ITGB5: variants seen among roughly 807,000 people sequenced by gnomAD.
ITGB5 encodes the protein integrin subunit beta 5.
In ITGB5, 38 loss-of-function variants were observed where a neutral mutation model predicts 84.8. That is an observed-to-expected ratio of 0.45 (90% confidence interval 0.35 to 0.59). The LOEUF (loss-of-function observed/expected upper bound fraction) is 0.59, where lower values mean the gene tolerates loss of function less well. ITGB5 is among the 20% of genes least tolerant of loss of function. The pLI, the probability that ITGB5 is intolerant of heterozygous loss-of-function variation, is 0.01. For missense variants in ITGB5, 905 were observed against 1,034.5 expected (o/e 0.87, Z 1.72); for synonymous variants, 393 against 414.4 (o/e 0.95, Z 0.63).
intron 9 of ITGB5, among the ~76,000 whole-genome samples, chr3:124,802,509 G>A (rs1406677531): frequency 1.3e-5 from 2 of 152,206 alleles, no homozygotes; most frequent in African/African-American, 4.8e-5. Flanking sequence ...CAACGAAGAG[G>A]GAAAGCCCCT....
intron 1 of ITGB5, 38 bp from the exon 2 acceptor site, chr3:124,873,569 G>T: frequency 6.9e-7 from 1 of 1,444,616 alleles, no homozygotes; most frequent in Non-Finnish European, 9.8e-7. Flanking sequence ...TTAGTTCCTG[G>T]CTATAAACTT....
At chr3:124,863,833 C>G (rs1297987952) in intron 2 of ITGB5, among the ~76,000 whole-genome samples, 1 of 151,686 alleles carries the variant, frequency 6.6e-6, no homozygotes, top group African/African-American at 2.4e-5. Context: ...TAATTTTGAA[C>G]AAGGATAGAT....
intron 1 of ITGB5, among the ~76,000 whole-genome samples, chr3:124,897,382 A>G (rs567537791): frequency 1.3e-5 from 2 of 152,314 alleles, no homozygotes; most frequent in East Asian, 3.9e-4. Flanking sequence ...TACTGGGATG[A>G]CAGGTGTGAG....
At chr3:124,773,630 G>GC in intron 11 of ITGB5, 60 bp downstream of exon 11, 1 of 1,532,624 alleles carries the variant, frequency 6.5e-7, no homozygotes, top group Non-Finnish European at 9.0e-7. Flanking sequence ...GGGCTGCCTG[G>GC]CTGGACCACA....
intron 2 of ITGB5, among the ~76,000 whole-genome samples, chr3:124,860,085 G>T (rs2065275485): frequency 6.6e-6 from 1 of 152,120 alleles, no homozygotes; most frequent in African/African-American, 2.4e-5. Context: ...AGAACAATGT[G>T]GCAGTACAGG....
At chr3:124,864,700 A>G (rs1011403605) in intron 2 of ITGB5, among the ~76,000 whole-genome samples, 4 of 152,088 alleles carry the variant, frequency 2.6e-5, no homozygotes, top group African/African-American at 9.7e-5. Flanking sequence ...CAATATACCC[A>G]TATAACAAAC....
At chr3:124,814,661 A>G (rs1324107183) in intron 8 of ITGB5, among the ~76,000 whole-genome samples, 1 of 151,994 alleles carries the variant, frequency 6.6e-6, no homozygotes, top group Non-Finnish European at 1.5e-5. Context: ...GACCAAGCTG[A>G]TTTCAAACTC....
chr3:124,893,183 A>G (rs1469540933), intron 1 of ITGB5, among the ~76,000 whole-genome samples: 2 of 152,292 alleles, frequency 1.3e-5, no homozygotes, highest in East Asian at 3.9e-4. Context: ...CAAGGCAGGA[A>G]GATCACCAGA....
Position 124,796,853 on chromosome 3 carries a change from G to A in ITGB5, c.1264-36C>T, listed in dbSNP as rs200218978. ...GGAAGAGAAGGGATATCATGGCTGC[G>A]GCAAGCCAGGGTCTCCCATTCACCC... On this transcript the variant is annotated intron_variant, in intron 9 of 14. Coordinates refer to ENST00000296181, the MANE Select transcript of ITGB5 (RefSeq NM_002213.5). The A allele has an allele frequency of 1.6e-4, 256 of 1,551,884 alleles. No homozygotes were observed. The African/African-American group carries it at 3.1e-3, about 19-fold the overall frequency.
At chr3:124,892,834 G>A (rs1035456370) in intron 1 of ITGB5, among the ~76,000 whole-genome samples, 3 of 151,966 alleles carry the variant, frequency 2.0e-5, no homozygotes, top group African/African-American at 7.3e-5. Context: ...AACTCCCAAA[G>A]TGACTTGTTA....
rs570103847 is a variant in ITGB5, at chr3:124,778,583, G to T, written c.1694-4671C>A. 4.6e-5 allele frequency among the ~76,000 whole-genome samples: 7 copies of T among 152,362 alleles called. No homozygotes were observed. The East Asian group carries it at 1.3e-3, about 29-fold the overall frequency. ...CAGTGAGGACAGAATCCAGCCTGCA[G>T]GGTGTAAGGAGGTGGTGACAGTGAG... is the stretch of plus-strand genomic sequence containing the variant. On this transcript the variant is annotated intron_variant, in intron 10 of 14. Coordinates refer to ENST00000296181, the MANE Select transcript of ITGB5 (RefSeq NM_002213.5).
chr3:124,780,235 C>T (rs867197443), intron 10 of ITGB5, among the ~76,000 whole-genome samples: 36 of 136,970 alleles, frequency 2.6e-4, no homozygotes, highest in African/African-American at 1.1e-3. Context: ...CTGCTCCATT[C>T]ACCCCCAAAC....
chr3:124,826,440 T>A (rs998577394), intron 5 of ITGB5, among the ~76,000 whole-genome samples: 1 of 152,250 alleles, frequency 6.6e-6, no homozygotes, highest in Non-Finnish European at 1.5e-5. Flanking sequence ...AAAAGCTTTT[T>A]TCTTATCAGT....
At chr3:124,819,206 G>A (rs542609434) in intron 7 of ITGB5, among the ~76,000 whole-genome samples, 1 of 152,258 alleles carries the variant, frequency 6.6e-6, no homozygotes, top group South Asian at 2.1e-4. Flanking sequence ...GACTAAATGC[G>A]GCAGTCCAGG....
chr3:124,814,418 C>G (rs143571411), intron 8 of ITGB5, among the ~76,000 whole-genome samples: 19 of 150,698 alleles, frequency 1.3e-4, no homozygotes, highest in African/African-American at 4.6e-4. Flanking sequence ...CACTTTAAAT[C>G]AGTACAGTTT....
At chr3:124,830,336 C>A (rs929855925) in intron 5 of ITGB5, among the ~76,000 whole-genome samples, 18 of 152,170 alleles carry the variant, frequency 1.2e-4, no homozygotes, top group Non-Finnish European at 2.1e-4. Flanking sequence ...CCATGGGAAG[C>A]CAACAGGAGC....
In ITGB5 at chr3:124,848,482, G is replaced by C. The variant is rs145464711; in HGVS notation, c.438C>G (p.Leu146=). The C allele has an allele frequency of 1.2e-6, 2 of 1,614,030 alleles. No individual in the cohort carries two copies. The highest frequency in any genetic ancestry group is 2.7e-5 in the African/African-American group (2 of 74,938). Residue 146 remains leucine, a synonymous_variant, in exon 4 of 15, where the codon CTC becomes CTG. Transcript: ENST00000296181. ...YPVDLYYLMD[L]SLSMKDDLDN... Reference sequence around the variant, plus strand: ...CCAAGTCATCCTTCATGGACAGGGAGAGGTCCATCAGGTAGTACAGGTCCA... The same window carrying C: ...CCAAGTCATCCTTCATGGACAGGGACAGGTCCATCAGGTAGTACAGGTCCA...
At chr3:124,824,408 CGTAGACCTAAAG>C (rs1161666897) in intron 5 of ITGB5, among the ~76,000 whole-genome samples, 1 of 152,116 alleles carries the variant, frequency 6.6e-6, no homozygotes, top group African/African-American at 2.4e-5. Context: ...TTGACCTAAA[CGTAGACCTAAAG>C]CTATAAAACT....
chr3:124,816,342 A>G (rs931386938), intron 8 of ITGB5, among the ~76,000 whole-genome samples: 4 of 152,242 alleles, frequency 2.6e-5, no homozygotes, highest in African/African-American at 9.6e-5. Flanking sequence ...ATTTGTAATC[A>G]GTCACTGCTG....
Sources: allele counts gnomAD v4.1 joint callset (sites outside exome capture counted in the v4.1 genomes callset), GRCh38; gene constraint gnomAD v4.1.1; transcripts MANE v1.5; gene names NCBI Gene and HGNC (gene_info 2026-07-23, HGNC 2026-07-21).